CHODL: variants seen among roughly 807,000 people sequenced by gnomAD.
The protein encoded by CHODL is chondrolectin, also known as transmembrane protein MT75.
CHODL carries 29 observed loss-of-function variants against 34.5 expected under a neutral mutation model. The ratio of observed to expected loss-of-function variants is 0.84; its 90% CI spans 0.63 to 1.15. CHODL has a LOEUF of 1.15. Among genes scored for constraint, CHODL ranks in the 50% most tolerant of loss-of-function variants. The pLI, the probability that CHODL is intolerant of heterozygous loss-of-function variation, is 0.00. For synonymous variants in CHODL, 125 were observed against 116.1 expected, an observed-to-expected ratio of 1.08 and a Z score of -0.49; for missense variants, 332 against 332.5, an observed-to-expected ratio of 1.00 and a Z score of 0.01.
intron 1 of CHODL, among the ~76,000 whole-genome samples, chr21:17,966,754 C>T (rs2063574754): frequency 1.3e-5 from 2 of 152,180 alleles, no homozygotes; most frequent in Non-Finnish European, 2.9e-5. Context: ...GGGTACTAGT[C>T]TCCCTTTTAG....
At chr21:18,211,481 A>C (rs1292887768) in intron 2 of CHODL, among the ~76,000 whole-genome samples, 1 of 152,212 alleles carries the variant, frequency 6.6e-6, no homozygotes, top group Non-Finnish European at 1.5e-5. Flanking sequence ...TTAGCATCAG[A>C]ATCTCAACAG....
chr21:18,181,465 G>C (rs1049267050), intron 2 of CHODL, among the ~76,000 whole-genome samples: 1 of 152,124 alleles, frequency 6.6e-6, no homozygotes, highest in Non-Finnish European at 1.5e-5. Flanking sequence ...TGCACTGGCG[G>C]GATCTCGGCT....
rs1000011487 is a variant in CHODL at position 17,958,880 on chromosome 21, C to G, written c.-145+41480C>G. The stretch of plus-strand genomic sequence containing the variant: ...TTGGTCCAGAGTGGTTCAGTGTATT[C>G]TTTCTGTTTTGTTGCAAGATTGGGG... On this transcript the variant is annotated intron_variant, in intron 1 of 6. Coordinates refer to the CHODL transcript ENST00000400127. 2.0e-5 allele frequency among the ~76,000 whole-genome samples: 3 copies of G among 151,908 alleles called. No individual in the cohort carries two copies. In the South Asian group the frequency reaches 6.2e-4, roughly 32 times the overall value.
chr21:18,261,229 CATG>C (rs1003688843), intron 4 of CHODL, among the ~76,000 whole-genome samples: 17 of 152,200 alleles, frequency 1.1e-4, no homozygotes, highest in Middle Eastern at 6.8e-3. Context: ...TTTGCATAGA[CATG>C]ATATTAAGGC....
At chr21:18,000,355 C>T (rs1206219700) in intron 1 of CHODL, among the ~76,000 whole-genome samples, 1 of 152,042 alleles carries the variant, frequency 6.6e-6, no homozygotes, top group African/African-American at 2.4e-5. Context: ...TGTTCCTTGC[C>T]TTGCATAAAA....
At chr21:18,045,268 T>C (rs1235461342) in intron 2 of CHODL, among the ~76,000 whole-genome samples, 5 of 151,912 alleles carry the variant, frequency 3.3e-5, no homozygotes, top group Non-Finnish European at 7.4e-5. Flanking sequence ...CAAAAAGATA[T>C]AAACATGCCC....
chr21:18,074,023 G>A (rs1031528246), intron 2 of CHODL, among the ~76,000 whole-genome samples: 25 of 152,024 alleles, frequency 1.6e-4, no homozygotes, highest in African/African-American at 5.8e-4. Flanking sequence ...ACAGATGTGT[G>A]AGCTGAAATG....
intron 2 of CHODL, among the ~76,000 whole-genome samples, chr21:18,218,935 T>G (rs2073857064): frequency 1.3e-5 from 2 of 152,198 alleles, no homozygotes; most frequent in Admixed American, 6.5e-5. Flanking sequence ...CTAGGAAGTT[T>G]CAAACTTTCT....
intron 1 of CHODL, among the ~76,000 whole-genome samples, chr21:17,962,768 A>G (rs900397532): frequency 2.0e-5 from 3 of 152,164 alleles, no homozygotes; most frequent in African/African-American, 7.2e-5. Flanking sequence ...AATTATTAAG[A>G]AGTAATACTT....
chr21:18,009,269 G>T (rs1309935133), intron 1 of CHODL, among the ~76,000 whole-genome samples: 1 of 152,038 alleles, frequency 6.6e-6, no homozygotes, highest in Non-Finnish European at 1.5e-5. Flanking sequence ...TATATGTGTG[G>T]TGATTGTTAC....
chr21:17,932,559 G>A (rs1412539041), intron 1 of CHODL, among the ~76,000 whole-genome samples: 1 of 152,000 alleles, frequency 6.6e-6, no homozygotes, highest in Non-Finnish European at 1.5e-5. Flanking sequence ...ATCAGCCTAA[G>A]TGTCCATCAA....
chr21:18,263,223 T>C (rs966754356), intron 5 of CHODL, among the ~76,000 whole-genome samples: 42 of 152,170 alleles, frequency 2.8e-4, no homozygotes, highest in African/African-American at 9.2e-4. Flanking sequence ...ACATATGCAC[T>C]ATATTATACT....
At chr21:18,038,472 C>G (rs158039) in intron 2 of CHODL, among the ~76,000 whole-genome samples, 3,113 of 151,724 alleles carry the variant, frequency 0.021, 119 homozygotes, top group African/African-American at 0.071. Flanking sequence ...ATAGTTTTAG[C>G]TGGACTCTAT....
At chr21:18,146,948 GGAA>G (rs1161390332) in intron 2 of CHODL, among the ~76,000 whole-genome samples, 1 of 152,164 alleles carries the variant, frequency 6.6e-6, no homozygotes, top group African/African-American at 2.4e-5. Context: ...TTGAGATCTT[GGAA>G]GAGGGTGAAA....
chr21:18,122,357 A>C (rs923186869), intron 2 of CHODL, among the ~76,000 whole-genome samples: 1 of 152,140 alleles, frequency 6.6e-6, no homozygotes, highest in African/African-American at 2.4e-5. Context: ...GACTGCATTA[A>C]ATTCTTATAA....
At chr21:18,001,027 T>A (rs924654486) in intron 1 of CHODL, among the ~76,000 whole-genome samples, 2 of 152,204 alleles carry the variant, frequency 1.3e-5, no homozygotes, top group South Asian at 4.1e-4. Context: ...ATAATCATGA[T>A]CATCTAGTGT....
intron 2 of CHODL, among the ~76,000 whole-genome samples, chr21:18,089,103 C>G (rs960650703): frequency 5.3e-5 from 8 of 152,190 alleles, no homozygotes; most frequent in African/African-American, 9.7e-5. Context: ...TTGACAAGCA[C>G]AGCCTTTCAA....
At chr21:18,167,423 C>T (rs1296375174) in intron 2 of CHODL, among the ~76,000 whole-genome samples, 4 of 151,188 alleles carry the variant, frequency 2.6e-5, no homozygotes, top group Non-Finnish European at 4.4e-5. Context: ...CATTCTCCTG[C>T]CTCAGCCTCC....
chr21:17,933,088 T>G (rs1008917201), intron 1 of CHODL, among the ~76,000 whole-genome samples: 1 of 152,226 alleles, frequency 6.6e-6, no homozygotes, highest in Non-Finnish European at 1.5e-5. Context: ...GCTGCCCGCC[T>G]GTCCCACCTC....
Sources: allele counts gnomAD v4.1 joint callset (sites outside exome capture counted in the v4.1 genomes callset), GRCh38; gene constraint gnomAD v4.1.1; transcripts MANE v1.5; gene names NCBI Gene and HGNC (gene_info 2026-07-23, HGNC 2026-07-21).